PCCA: variants seen among roughly 807,000 people sequenced by gnomAD.
PCCA encodes the protein propionyl-CoA carboxylase subunit alpha, also known as propionyl-CoA carboxylase alpha chain, mitochondrial.
In PCCA, 74 loss-of-function variants were observed where a neutral mutation model predicts 101.3. The observed-to-expected ratio is 0.73, with a 90% CI of 0.61 to 0.89. The LOEUF (loss-of-function observed/expected upper bound fraction) is 0.89, where lower values mean the gene tolerates loss of function less well. PCCA is among the 40% of genes least tolerant of loss of function. PCCA has a pLI of 0.00. For missense variants in PCCA, 891 were observed against 907.0 expected, an observed-to-expected ratio of 0.98 and a Z score of 0.23; for synonymous variants, 294 against 313.6, an observed-to-expected ratio of 0.94 and a Z score of 0.66.
chr13:100,290,172 T>C (rs1349687554), intron 12 of PCCA, among the ~76,000 whole-genome samples: 1 of 152,150 alleles, frequency 6.6e-6, no homozygotes, highest in Non-Finnish European at 1.5e-5. Context: ...TAATGTAGTC[T>C]TGCTGTCTGA....
chr13:100,238,462 C>T (rs957834772), intron 8 of PCCA, among the ~76,000 whole-genome samples: 1 of 151,946 alleles, frequency 6.6e-6, no homozygotes, highest in Admixed American at 6.6e-5. Flanking sequence ...TTTCTCTTTC[C>T]TGTCCTTCTT....
intron 19 of PCCA, among the ~76,000 whole-genome samples, chr13:100,415,014 A>G (rs1017127809): frequency 2.0e-5 from 3 of 152,132 alleles, no homozygotes; most frequent in African/African-American, 7.2e-5. Context: ...GCCCCTATAA[A>G]TTACATAATT....
At chr13:100,321,727 T>C (rs2068070512) in intron 16 of PCCA, among the ~76,000 whole-genome samples, 1 of 152,064 alleles carries the variant, frequency 6.6e-6, no homozygotes, top group Non-Finnish European at 1.5e-5. Flanking sequence ...AATTTTTGTG[T>C]AGCTAAAGGA....
chr13:100,512,397 G>A (rs559069426), intron 21 of PCCA, among the ~76,000 whole-genome samples: 3 of 152,238 alleles, frequency 2.0e-5, no homozygotes, highest in Admixed American at 6.5e-5. Context: ...CATTACTGTC[G>A]TGTGTGGGTT....
intron 20 of PCCA, among the ~76,000 whole-genome samples, chr13:100,447,530 G>A (rs1188117772): frequency 6.6e-6 from 1 of 151,982 alleles, no homozygotes; most frequent in Admixed American, 6.6e-5. Flanking sequence ...AAATTAGGCA[G>A]ATGTGGTGGC....
intron 21 of PCCA, among the ~76,000 whole-genome samples, chr13:100,488,632 TG>T (rs1301845003): frequency 6.2e-4 from 41 of 66,014 alleles, no homozygotes; most frequent in African/African-American, 2.5e-3. Flanking sequence ...TTTTTTGTTT[TG>T]TTTTTTTTTT....
chr13:100,284,750 A>C (rs2064456670), intron 12 of PCCA, among the ~76,000 whole-genome samples: 1 of 152,032 alleles, frequency 6.6e-6, no homozygotes, highest in Non-Finnish European at 1.5e-5. Context: ...ATTTCCCTGC[A>C]CTCTGATTCC....
At chr13:100,432,110 A>C (rs1049668040) in intron 20 of PCCA, among the ~76,000 whole-genome samples, 14 of 152,092 alleles carry the variant, frequency 9.2e-5, no homozygotes, top group African/African-American at 2.9e-4. Context: ...GGACCCCTGC[A>C]CTCCAGCCTG....
At chr13:100,443,538 A>G (rs2080539554) in intron 20 of PCCA, among the ~76,000 whole-genome samples, 1 of 152,066 alleles carries the variant, frequency 6.6e-6, no homozygotes, top group Non-Finnish European at 1.5e-5. Context: ...GTTAACTAGA[A>G]CATAGCCACA....
chr13:100,503,199 A>T (rs2085807695), intron 21 of PCCA, among the ~76,000 whole-genome samples: 1 of 152,220 alleles, frequency 6.6e-6, no homozygotes, highest in Non-Finnish European at 1.5e-5. Flanking sequence ...ATTTACCTGA[A>T]GTTCTTTCTG....
chr13:100,471,296 C>A (rs2082990568), intron 21 of PCCA, among the ~76,000 whole-genome samples: 1 of 152,148 alleles, frequency 6.6e-6, no homozygotes, highest in Admixed American at 6.5e-5. Flanking sequence ...TTCCCCAAAA[C>A]AATTTCAATG....
intron 2 of PCCA, among the ~76,000 whole-genome samples, chr13:100,106,535 C>T (rs543527799): frequency 7.9e-5 from 12 of 152,130 alleles, no homozygotes; most frequent in East Asian, 3.9e-4. Flanking sequence ...CTCAGCCTCC[C>T]GAGTAGCTGG....
chr13:100,332,932 A>T (rs997689824), intron 17 of PCCA, among the ~76,000 whole-genome samples: 5 of 152,316 alleles, frequency 3.3e-5, no homozygotes, highest in African/African-American at 1.2e-4. Context: ...CAGTAAGATA[A>T]TAATGCCAGG....
At position 100,425,769 on chromosome 13, in the gene PCCA, A is replaced by G. The variant is rs776581181; in HGVS notation, c.1845+38A>G. The G allele has an allele frequency of 6.7e-6, 9 of 1,343,858 alleles. No homozygotes were observed. The East Asian group carries it at 1.8e-4, about 27-fold the overall frequency. The allele number at this position is 1,343,858 out of a possible 1,614,324, so 83.2% of individuals were successfully genotyped here. A position where few individuals can be genotyped will look rare whatever the true frequency, so the allele number is the denominator to read the frequency against. ...AGGATTTCCTTAGAGGGCCTCCTCAAGTCCAGAATCCTTGTCAGCACCTGT... is the reference window on the plus strand; with the variant it reads ...AGGATTTCCTTAGAGGGCCTCCTCAGGTCCAGAATCCTTGTCAGCACCTGT... On this transcript the variant is annotated intron_variant, in intron 20 of 23. Transcript: ENST00000376285.
At chr13:100,348,241 T>C (rs2072583784) in intron 18 of PCCA, among the ~76,000 whole-genome samples, 1 of 152,172 alleles carries the variant, frequency 6.6e-6, no homozygotes, top group African/African-American at 2.4e-5. Flanking sequence ...TTTTCCCAAT[T>C]TCTCTATGGG....
At chr13:100,487,450 A>C (rs990062976) in intron 21 of PCCA, among the ~76,000 whole-genome samples, 1 of 152,242 alleles carries the variant, frequency 6.6e-6, no homozygotes, top group Non-Finnish European at 1.5e-5. Context: ...TTTACATAGA[A>C]TTCTAAGAAT....
At chr13:100,342,492 T>C (rs2071525751) in intron 18 of PCCA, among the ~76,000 whole-genome samples, 1 of 151,914 alleles carries the variant, frequency 6.6e-6, no homozygotes, top group African/African-American at 2.4e-5. Flanking sequence ...GGTCTTGAAC[T>C]CCTGACCTCA....
chr13:100,474,664 T>C (rs56782588), intron 21 of PCCA, among the ~76,000 whole-genome samples: 3,077 of 152,178 alleles, frequency 0.02, 112 homozygotes, highest in African/African-American at 0.071. Flanking sequence ...TTTTTAGGTA[T>C]TTTTTGTAGA....
chr13:100,491,691 G>T, intron 21 of PCCA: 1 of 1,304,118 alleles, frequency 7.7e-7, no homozygotes, highest in Non-Finnish European at 1.0e-6. Context: ...AAGCTTGGCA[G>T]AAGGTGCTGC....
Sources: gnomAD v4.1 joint callset for allele counts (sites outside exome capture counted in the v4.1 genomes callset) on GRCh38, gnomAD v4.1.1 for gene constraint, MANE v1.5 for transcripts, NCBI Gene and HGNC (gene_info 2026-07-23, HGNC 2026-07-21) for gene names.